The following SRGAP2 variants were observed in gnomAD, a reference collection of about 807,000 sequenced individuals.
The protein encoded by SRGAP2 is SLIT-ROBO Rho GTPase-activating protein 2.
Under a neutral mutation model 57.2 loss-of-function variants are expected in SRGAP2, and 15 were observed. That is an observed-to-expected ratio of 0.26 (90% CI 0.18 to 0.40). The LOEUF (loss-of-function observed/expected upper bound fraction) is 0.40. Ranked by LOEUF, SRGAP2 falls within the 10% of genes least tolerant of loss-of-function variation. The pLI is 1.00. For synonymous variants in SRGAP2, 249 were observed against 248.0 expected, an observed-to-expected ratio of 1.00 and a Z score of -0.04; for missense variants, 520 against 669.6, an observed-to-expected ratio of 0.78 and a Z score of 2.47.
chr1:206,455,624 C>T (rs1553378182), intron 21 of SRGAP2: 1 of 153,958 alleles, frequency 6.5e-6, no homozygotes, highest in East Asian at 1.9e-4. Context: ...TTGGCTAACC[C>T]CTAGCTCCCT....
chr1:206,448,632 C>A (rs1050307868), intron 18 of SRGAP2, among the ~76,000 whole-genome samples: 1 of 152,006 alleles, frequency 6.6e-6, no homozygotes, highest in East Asian at 1.9e-4. Context: ...GAAGATGGGG[C>A]GCTGTTTTTT....
Position 206,462,582 on chromosome 1 carries a change from C to T in SRGAP2, c.*1162C>T, listed in dbSNP as rs1553381322. On this transcript the variant is annotated 3_prime_UTR_variant, in exon 23 of 23. Coordinates refer to ENST00000573034, the MANE Select transcript of SRGAP2 (RefSeq NM_015326.5). The stretch of plus-strand genomic sequence containing the variant: ...TTCCTTATTTTACAAGGTCTCTCTT[C>T]AGGGACCAACAGGGGCTTAGAGAGC... 1 of 152,270 alleles carries T rather than the reference C, an allele frequency of 6.6e-6. No homozygotes were observed. The highest frequency in any genetic ancestry group is 1.5e-5 in the Non-Finnish European group (1 of 68,040). The allele number at this position is 152,270 out of a possible 1,614,324, so 9.4% of individuals were successfully genotyped here.
intron 7 of SRGAP2, among the ~76,000 whole-genome samples, chr1:206,398,977 A>AT (rs1373015009): frequency 2.0e-5 from 3 of 152,080 alleles, no homozygotes; most frequent in Non-Finnish European, 4.4e-5. Flanking sequence ...CTATATTAGT[A>AT]TTTTTTTAAA....
intron 19 of SRGAP2, among the ~76,000 whole-genome samples, chr1:206,452,909 A>AAAAG (rs1663459423): frequency 4.1e-5 from 6 of 147,436 alleles, no homozygotes; most frequent in African/African-American, 1.5e-4. Context: ...AAAAAAAAAA[A>AAAAG]TGGGATGCTT....
intron 19 of SRGAP2, among the ~76,000 whole-genome samples, chr1:206,451,202 G>A (rs1663267250): frequency 6.6e-6 from 1 of 151,902 alleles, no homozygotes; most frequent in Admixed American, 6.6e-5. Flanking sequence ...CAAGCCAGAG[G>A]GAGTGGGAAT....
At chr1:206,450,903 A>C (rs1406703632) in intron 19 of SRGAP2, among the ~76,000 whole-genome samples, 2 of 151,888 alleles carry the variant, frequency 1.3e-5, no homozygotes, top group Non-Finnish European at 2.9e-5. Context: ...CTTGAGTTCA[A>C]GAATTCAAGA....
At chr1:206,346,292 G>A (rs1675624741) in intron 4 of SRGAP2, among the ~76,000 whole-genome samples, 2 of 152,104 alleles carry the variant, frequency 1.3e-5, no homozygotes, top group African/African-American at 4.8e-5. Flanking sequence ...TAAAAAAAGA[G>A]TGTGGTCTAT....
chr1:206,375,267 T>C (rs567111928), intron 4 of SRGAP2, among the ~76,000 whole-genome samples: 10 of 152,250 alleles, frequency 6.6e-5, no homozygotes, highest in Non-Finnish European at 1.3e-4. Flanking sequence ...TGCTTTTGTG[T>C]CTTTTGTCCC....
In SRGAP2 at chr1:206,444,384, C is replaced by G. The variant is rs58646511; in HGVS notation, c.1875-1691C>G. Among the ~76,000 whole-genome samples the G allele has an allele frequency of 3.0e-3, 454 of 152,328 alleles. 1 individual carries two copies. Among genetic ancestry groups the G allele is most frequent in the African/African-American group, 0.011 (440 of 41,576 alleles). On this transcript the variant is annotated intron_variant, in intron 17 of 22. Transcript: ENST00000573034. Reference sequence around the variant, plus strand: ...ATGAATTGAACAGTTCTTACCTTAGCAGGCTTCCCAACATTCTTCATCTTC... The same window carrying G: ...ATGAATTGAACAGTTCTTACCTTAGGAGGCTTCCCAACATTCTTCATCTTC...
At chr1:206,433,851 A>T (rs769344100) in intron 14 of SRGAP2, among the ~76,000 whole-genome samples, 1 of 152,228 alleles carries the variant, frequency 6.6e-6, no homozygotes, top group African/African-American at 2.4e-5. Flanking sequence ...TACAGTAATT[A>T]GTAATTTTTT....
At chr1:206,386,164 G>A (rs1428138431) in intron 5 of SRGAP2, among the ~76,000 whole-genome samples, 1 of 152,160 alleles carries the variant, frequency 6.6e-6, no homozygotes, top group Non-Finnish European at 1.5e-5. Context: ...GAGGCCAGGG[G>A]TGCTGCTAAA....
chr1:206,425,983 A>G (rs1553366201), intron 13 of SRGAP2, among the ~76,000 whole-genome samples: 1 of 151,392 alleles, frequency 6.6e-6, no homozygotes. Context: ...AGTAGCTGGG[A>G]TTACAGGCAT....
intron 18 of SRGAP2, among the ~76,000 whole-genome samples, chr1:206,450,010 C>T (rs566197308): frequency 5.7e-4 from 87 of 152,290 alleles, no homozygotes; most frequent in South Asian, 2.7e-3. Flanking sequence ...TATCTGATGC[C>T]GAAACCCAGT....
chr1:206,422,850 T>C (rs1660436274), intron 13 of SRGAP2, among the ~76,000 whole-genome samples: 1 of 152,192 alleles, frequency 6.6e-6, no homozygotes, highest in Admixed American at 6.5e-5. Context: ...TATACCAAAA[T>C]CCCCAATCCA....
intron 4 of SRGAP2, among the ~76,000 whole-genome samples, chr1:206,371,315 T>A (rs1654526513): frequency 6.7e-6 from 1 of 149,084 alleles, no homozygotes; most frequent in African/African-American, 2.5e-5. Context: ...TGAGAAAATA[T>A]ATCGCCAGCA....
At chr1:206,325,386 C>G (rs1275837503) in intron 3 of SRGAP2, among the ~76,000 whole-genome samples, 4 of 151,600 alleles carry the variant, frequency 2.6e-5, no homozygotes, top group African/African-American at 9.7e-5. Flanking sequence ...CTCTTTCACC[C>G]GGGCTGGAGT....
intron 13 of SRGAP2, among the ~76,000 whole-genome samples, chr1:206,423,657 G>A (rs1553365191): frequency 1.3e-5 from 2 of 151,964 alleles, no homozygotes; most frequent in African/African-American, 4.8e-5. Context: ...TTCTCCCTTG[G>A]TAAAAATGAA....
intron 2 of SRGAP2, among the ~76,000 whole-genome samples, chr1:206,249,148 G>A (rs1668683458): frequency 6.6e-6 from 1 of 151,224 alleles, no homozygotes; most frequent in Admixed American, 6.6e-5. Flanking sequence ...TCAGGGCCCT[G>A]CTGTTCCCTC....
intron 18 of SRGAP2, 64 bp downstream of exon 18, chr1:206,446,363 A>T: frequency 1.3e-6 from 1 of 765,114 alleles, no homozygotes; most frequent in Non-Finnish European, 2.4e-6. Flanking sequence ...TGGGAGCCAG[A>T]TGGCCACACG....
Sources: allele counts gnomAD v4.1 joint callset (sites outside exome capture counted in the v4.1 genomes callset), GRCh38; gene constraint gnomAD v4.1.1; transcripts MANE v1.5; gene names NCBI Gene and HGNC (gene_info 2026-07-23, HGNC 2026-07-21).